Variants in ROBO1 observed in about 807,000 individuals in gnomAD.
ROBO1 encodes roundabout homolog 1.
A neutral mutation model predicts 195.9 loss-of-function variants in ROBO1; 149 were observed. The observed-to-expected ratio is 0.76, with a 90% confidence interval of 0.67 to 0.87. The LOEUF is 0.87. ROBO1 is among the 40% of genes least tolerant of loss of function. The pLI is 0.00. For missense variants in ROBO1, 1,933 were observed against 2,068.3 expected (o/e 0.93, Z 1.27); for synonymous variants, 816 against 733.2 (o/e 1.11, Z -1.82).
intron 10 of ROBO1, among the ~76,000 whole-genome samples, chr3:78,681,488 T>C (rs547402250): frequency 6.6e-6 from 1 of 152,156 alleles, no homozygotes; most frequent in African/African-American, 2.4e-5. Flanking sequence ...CAAAAACGTA[T>C]AGGATGCAAT....
chr3:78,789,578 T>G (rs1316195291), intron 4 of ROBO1, among the ~76,000 whole-genome samples: 1 of 152,190 alleles, frequency 6.6e-6, no homozygotes, highest in Non-Finnish European at 1.5e-5. Flanking sequence ...TATGTTCTGT[T>G]TTCCCTACAT....
chr3:78,635,538 A>G (rs115156501), intron 23 of ROBO1, among the ~76,000 whole-genome samples: 3,028 of 152,276 alleles, frequency 0.02, 98 homozygotes, highest in African/African-American at 0.069. Context: ...TTAAATTTAA[A>G]TTAATCTCAA....
At chr3:79,013,942 G>C (rs552267119) in intron 3 of ROBO1, among the ~76,000 whole-genome samples, 36 of 152,102 alleles carry the variant, frequency 2.4e-4, no homozygotes. Context: ...TTAAGCAAAA[G>C]CGTTACCATA....
chr3:78,749,596 C>T (rs2082738849), intron 4 of ROBO1, among the ~76,000 whole-genome samples: 1 of 152,036 alleles, frequency 6.6e-6, no homozygotes, highest in Admixed American at 6.6e-5. Context: ...TTATACTTAT[C>T]CCAAAGATTT....
At chr3:78,993,093 T>G (rs1165964616) in intron 3 of ROBO1, among the ~76,000 whole-genome samples, 10 of 152,186 alleles carry the variant, frequency 6.6e-5, no homozygotes, top group Non-Finnish European at 1.5e-4. Context: ...AACTCAATTT[T>G]AAATCATCAA....
At chr3:79,553,863 T>A (rs1387198168) in intron 2 of ROBO1, among the ~76,000 whole-genome samples, 1 of 152,086 alleles carries the variant, frequency 6.6e-6, no homozygotes, top group Non-Finnish European at 1.5e-5. Flanking sequence ...GGCTGTTGAT[T>A]TCTGGCTTTT....
intron 4 of ROBO1, among the ~76,000 whole-genome samples, chr3:78,886,956 A>G (rs549050102): frequency 2.6e-5 from 4 of 152,274 alleles, no homozygotes; most frequent in African/African-American, 9.6e-5. Context: ...AAATGTGCCT[A>G]ATTGTTAATA....
chr3:78,698,006 T>A (rs116772598), intron 8 of ROBO1, among the ~76,000 whole-genome samples: 1,758 of 152,282 alleles, frequency 0.012, 42 homozygotes, highest in African/African-American at 0.04. Flanking sequence ...TCACTGCTAG[T>A]AGCTAAATTC....
At chr3:79,094,142 C>T (rs577078202) in intron 3 of ROBO1, among the ~76,000 whole-genome samples, 9 of 152,018 alleles carry the variant, frequency 5.9e-5, no homozygotes, top group South Asian at 2.1e-4. Context: ...ACCAAGATTA[C>T]GTAAGTAAGA....
At chr3:78,640,135 A>C (rs1337001407) in intron 21 of ROBO1, among the ~76,000 whole-genome samples, 1 of 152,128 alleles carries the variant, frequency 6.6e-6, no homozygotes, top group African/African-American at 2.4e-5. Flanking sequence ...ATCAGACCTA[A>C]AATCTCGTAT....
At chr3:78,764,074 C>T (rs565870543) in intron 4 of ROBO1, among the ~76,000 whole-genome samples, 26 of 152,024 alleles carry the variant, frequency 1.7e-4, no homozygotes, top group East Asian at 5.8e-4. Flanking sequence ...AAAAAGCAAA[C>T]GAAAATTTTA....
In ROBO1 at chr3:78,839,722, A is replaced by G. The variant is rs555311557; in HGVS notation, c.500-92822T>C. Among the ~76,000 whole-genome samples, 93 of 152,282 alleles carry G rather than the reference A, an allele frequency of 6.1e-4. 1 individual carries two copies. The highest frequency in any genetic ancestry group is 2.1e-3 in the African/African-American group (86 of 41,562). ...GACTGAAAATCCCAGCCTTGTCACT[A>G]TGTAAGGATATGAAAACCACTTCTT... On this transcript the variant is annotated intron_variant, in intron 4 of 30. Transcript: ENST00000464233.
chr3:79,702,616 T>A (rs1947652276), intron 1 of ROBO1, among the ~76,000 whole-genome samples: 1 of 151,842 alleles, frequency 6.6e-6, no homozygotes, highest in South Asian at 2.1e-4. Flanking sequence ...TAGGCATTAT[T>A]GTGCCTATCT....
chr3:79,225,008 G>A (rs1046949409), intron 2 of ROBO1, among the ~76,000 whole-genome samples: 1 of 152,236 alleles, frequency 6.6e-6, no homozygotes, highest in African/African-American at 2.4e-5. Flanking sequence ...CTCAGAAAGC[G>A]TGTCATTTGA....
chr3:78,963,545 G>C (rs2041511698), intron 3 of ROBO1, among the ~76,000 whole-genome samples: 2 of 110,556 alleles, frequency 1.8e-5, no homozygotes, highest in South Asian at 3.1e-4. Flanking sequence ...TTGAGACGGA[G>C]TCTCGCTCTG....
intron 4 of ROBO1, among the ~76,000 whole-genome samples, chr3:78,928,896 G>A (rs761464289): frequency 9.9e-5 from 15 of 152,092 alleles, no homozygotes; most frequent in Non-Finnish European, 2.1e-4. Context: ...GTAACTTAAT[G>A]TGACTAAATC....
chr3:79,648,593 T>C (rs1031564906), intron 1 of ROBO1, among the ~76,000 whole-genome samples: 6 of 151,928 alleles, frequency 3.9e-5, no homozygotes, highest in African/African-American at 1.2e-4. Flanking sequence ...GATTTAGAAA[T>C]GAGAGAAAAG....
intron 2 of ROBO1, among the ~76,000 whole-genome samples, chr3:79,164,316 T>C (rs147139398): frequency 7.7e-4 from 118 of 152,304 alleles, no homozygotes; most frequent in Non-Finnish European, 6.8e-4. Flanking sequence ...CAAAAGTATA[T>C]AGCACAGTTG....
intron 17 of ROBO1, 148 bp from the exon 18 acceptor site, chr3:78,657,417 A>G (rs559151533): frequency 1.4e-6 from 1 of 739,418 alleles, no homozygotes; most frequent in Non-Finnish European, 2.1e-6. Context: ...TTTCCCTAAA[A>G]TCTAGTTCTA....
Sources: gnomAD v4.1 joint callset for allele counts (sites outside exome capture counted in the v4.1 genomes callset) on GRCh38, gnomAD v4.1.1 for gene constraint, MANE v1.5 for transcripts, NCBI Gene and HGNC (gene_info 2026-07-23, HGNC 2026-07-21) for gene names.